Variants in PHF11 observed in about 807,000 individuals in gnomAD.
The protein encoded by PHF11 is BRCA1 C-terminus-associated protein.
A neutral mutation model predicts 40.5 loss-of-function variants in PHF11; 38 were observed. The observed-to-expected ratio is 0.94, with a 90% CI of 0.72 to 1.23. The LOEUF is 1.23. PHF11 is among the 50% of genes most tolerant of loss of function. PHF11 has a pLI of 0.00. For synonymous variants in PHF11, 127 were observed against 138.2 expected (o/e 0.92, Z 0.57); for missense variants, 369 against 392.4 (o/e 0.94, Z 0.50).
At position 49,528,414 on chromosome 13, in the gene PHF11, G is replaced by C. The variant is rs920901566; in HGVS notation, c.842-97G>C. On this transcript the variant is annotated intron_variant, in intron 9 of 9. Transcript: ENST00000378319. ...TTTTCACCAGAGGCACGAGGATTGTGTATCTGTACCTGCAAGTGAAAGGGG... is the reference window on the plus strand; with the variant it reads ...TTTTCACCAGAGGCACGAGGATTGTCTATCTGTACCTGCAAGTGAAAGGGG... 6 of 833,266 alleles carry C rather than the reference G, an allele frequency of 7.2e-6. No homozygotes were observed. In the Admixed American group the frequency reaches 1.7e-4, roughly 24 times the overall value. 51.6% of individuals were successfully genotyped at this position (833,266 alleles called of 1,614,324 possible). A position where few individuals can be genotyped will look rare whatever the true frequency, so the allele number is the denominator to read the frequency against.
chr13:49,506,283 T>G (rs1414018905), intron 1 of PHF11, among the ~76,000 whole-genome samples: 2 of 150,716 alleles, frequency 1.3e-5, no homozygotes, highest in Non-Finnish European at 2.9e-5. Context: ...GCACCTATAG[T>G]CCCAGTGACT....
chr13:49,503,701 T>C (rs187450464), intron 1 of PHF11, among the ~76,000 whole-genome samples: 236 of 152,340 alleles, frequency 1.5e-3, no homozygotes, highest in Non-Finnish European at 3.0e-3. Flanking sequence ...CATTATTAGC[T>C]TCACCTGTTT....
intron 7 of PHF11, chr13:49,523,859 A>C (rs1959205611): frequency 6.6e-6 from 2 of 300,928 alleles, no homozygotes; most frequent in Admixed American, 9.8e-5. Context: ...TTGTAAGCAG[A>C]GAAATTTTCA....
In PHF11 at chr13:49,528,770, T is replaced by G. The variant is rs1365998731; in HGVS notation, c.*105T>G. 1.2e-5 allele frequency: 9 copies of G among 759,292 alleles called. No homozygotes were observed. The highest frequency in any genetic ancestry group is 1.7e-5 in the African/African-American group (1 of 57,608). 47.0% of individuals were successfully genotyped at this position (759,292 alleles called of 1,614,324 possible). A position where few individuals can be genotyped will look rare whatever the true frequency, so the allele number is the denominator to read the frequency against. ...CATCTTTAGAACTAGTCGTCTCCTC[T>G]TGGCCTCAGCAGCTCTTCCCTGTTC... On this transcript the variant is annotated 3_prime_UTR_variant, in exon 10 of 10. Coordinates refer to ENST00000378319, the MANE Select transcript of PHF11 (RefSeq NM_001040443.3).
At chr13:49,516,847 A>G (rs1959162373) in intron 3 of PHF11, among the ~76,000 whole-genome samples, 2 of 152,102 alleles carry the variant, frequency 1.3e-5, no homozygotes, top group African/African-American at 2.4e-5. Flanking sequence ...AGCCTCCCAA[A>G]GTACTAGGAT....
intron 7 of PHF11, 199 bp from the exon 8 acceptor site, chr13:49,523,886 C>A: frequency 2.9e-6 from 1 of 346,074 alleles, no homozygotes; most frequent in Non-Finnish European, 5.1e-6. Context: ...CTTTTTGTAA[C>A]ATTTTATTCA....
At chr13:49,527,308 A>T (rs1162945008) in intron 9 of PHF11, 1 of 152,196 alleles carries the variant, frequency 6.6e-6, no homozygotes, top group Admixed American at 6.5e-5. Context: ...CCGGGCACAG[A>T]GTCAAACAGC....
intron 9 of PHF11, chr13:49,527,193 GTCC>G (rs1173586302): frequency 1.3e-5 from 2 of 152,136 alleles, no homozygotes; most frequent in African/African-American, 2.4e-5. Flanking sequence ...TATTGAGTGA[GTCC>G]TCCTTTCAGC....
intron 5 of PHF11, chr13:49,521,806 CAG>C (rs149769404): frequency 4.5e-5 from 13 of 289,352 alleles, no homozygotes; most frequent in East Asian, 4.3e-4. Context: ...ACCCTCTCCC[CAG>C]AGAGTTCCCC....
chr13:49,518,131 T>C lies in PHF11; in HGVS notation c.438T>C (p.Asp146=), dbSNP rs2139063517. The part of the protein sequence containing the change: ...AKKDDAVPQS[D]GVRGIYKLLC... Reference sequence around the variant, plus strand: ...AGGACGACGCAGTTCCACAGTCTGATGGAGTTCGAGGAATTTATAAGTATT... The same window carrying C: ...AGGACGACGCAGTTCCACAGTCTGACGGAGTTCGAGGAATTTATAAGTATT... The change falls in exon 4 of 10, where the codon GAT becomes GAC. Residue 146 remains aspartate (D), a synonymous_variant. Transcript: ENST00000378319. 1 of 1,603,346 alleles carries C rather than the reference T, an allele frequency of 6.2e-7. No individual in the cohort carries two copies. Among genetic ancestry groups the C allele is most frequent in the South Asian group, 1.1e-5 (1 of 88,944 alleles).
At chr13:49,519,848 G>A (rs78170648) in intron 4 of PHF11, among the ~76,000 whole-genome samples, 13,973 of 152,114 alleles carry the variant, frequency 0.092, 844 homozygotes, top group Non-Finnish European at 0.12. Context: ...ACTTTGTTTG[G>A]GTGTTGCTGG....
intron 3 of PHF11, among the ~76,000 whole-genome samples, chr13:49,515,444 T>A (rs1959138257): frequency 7.0e-6 from 1 of 142,396 alleles, no homozygotes; most frequent in African/African-American, 2.7e-5. Flanking sequence ...AAAGTACAGT[T>A]CCATCTCCTA....
At chr13:49,520,972 T>C in intron 5 of PHF11, 32 bp downstream of exon 5, 1 of 1,534,194 alleles carries the variant, frequency 6.5e-7, no homozygotes, top group Non-Finnish European at 8.9e-7. Context: ...CTGTGGGTTT[T>C]AAAGAAAGGT....
intron 9 of PHF11, among the ~76,000 whole-genome samples, chr13:49,526,870 A>G (rs1959317706): frequency 6.6e-6 from 1 of 152,188 alleles, no homozygotes; most frequent in African/African-American, 2.4e-5. Context: ...TGGCCCAGGC[A>G]GGAGCTGGTA....
chr13:49,498,450 C>T (rs534530706), intron 1 of PHF11, among the ~76,000 whole-genome samples: 1 of 131,002 alleles, frequency 7.6e-6, no homozygotes, highest in East Asian at 2.1e-4. Flanking sequence ...TAGTACATTT[C>T]CAGTAGATCA....
intron 4 of PHF11, among the ~76,000 whole-genome samples, chr13:49,519,168 C>T (rs1195488938): frequency 6.6e-6 from 1 of 152,204 alleles, no homozygotes; most frequent in South Asian, 2.1e-4. Flanking sequence ...GAGCAAGTTC[C>T]GTAAGTATTT....
At chr13:49,512,417 T>C (rs1161690063) in intron 2 of PHF11, among the ~76,000 whole-genome samples, 1 of 152,262 alleles carries the variant, frequency 6.6e-6, no homozygotes, top group Non-Finnish European at 1.5e-5. Flanking sequence ...CTGATTTTTA[T>C]AAGAAATCTT....
chr13:49,523,107 C>T, intron 6 of PHF11, 68 bp from the exon 7 acceptor site: 1 of 1,094,944 alleles, frequency 9.1e-7, no homozygotes, highest in South Asian at 1.3e-5. Context: ...TTATGCACAG[C>T]AAAAGACTGG....
At chr13:49,514,220 C>T (rs973874298) in intron 3 of PHF11, among the ~76,000 whole-genome samples, 2 of 152,102 alleles carry the variant, frequency 1.3e-5, no homozygotes, top group Non-Finnish European at 2.9e-5. Context: ...GGTTAATAAC[C>T]AGGGACAAAT....
Sources: gnomAD v4.1 joint callset for allele counts (sites outside exome capture counted in the v4.1 genomes callset) on GRCh38, gnomAD v4.1.1 for gene constraint, MANE v1.5 for transcripts, NCBI Gene and HGNC (gene_info 2026-07-23, HGNC 2026-07-21) for gene names.